ATL1: variants seen among roughly 807,000 people sequenced by gnomAD.
ATL1 encodes atlastin GTPase 1, also known as atlastin-1.
In ATL1, 31 loss-of-function variants were observed where a neutral mutation model predicts 75.5. That is an observed-to-expected ratio of 0.41 (90% CI 0.31 to 0.55). The LOEUF (loss-of-function observed/expected upper bound fraction) is 0.55, where lower values mean the gene tolerates loss of function less well. Among genes scored for constraint, ATL1 ranks in the 20% least tolerant of loss-of-function variants. The probability of loss-of-function intolerance (pLI) is 0.27; values close to 1 mark genes in which losing one functional copy is unlikely to be tolerated. For synonymous variants in ATL1, 226 were observed against 233.3 expected, an observed-to-expected ratio of 0.97 and a Z score of 0.28; for missense variants, 405 against 662.6, an observed-to-expected ratio of 0.61 and a Z score of 4.27.
chr14:50,606,632 G>T (rs1006844264), intron 6 of ATL1, among the ~76,000 whole-genome samples: 3 of 152,032 alleles, frequency 2.0e-5, no homozygotes, highest in African/African-American at 4.8e-5. Context: ...TGCATAAATT[G>T]GTTGCCAGCC....
At chr14:50,574,976 T>TATATATATATATATATATATA (rs1595590069) in intron 1 of ATL1, among the ~76,000 whole-genome samples, 1 of 132,466 alleles carries the variant, frequency 7.5e-6, no homozygotes, top group African/African-American at 2.8e-5. Context: ...TATATATATA[T>TATATATATATATATATATATA]TAGCTTTTAC....
chr14:50,599,217 G>A (rs887924305), intron 6 of ATL1, among the ~76,000 whole-genome samples: 9 of 152,222 alleles, frequency 5.9e-5, no homozygotes, highest in African/African-American at 2.2e-4. Flanking sequence ...GGAAACTTTT[G>A]CAAGTAACCA....
At chr14:50,625,366 A>G (rs2039507869) in intron 11 of ATL1, among the ~76,000 whole-genome samples, 3 of 152,230 alleles carry the variant, frequency 2.0e-5, no homozygotes, top group Non-Finnish European at 4.4e-5. Context: ...GAAGCAGCAA[A>G]TCTTGATGTA....
chr14:50,551,057 C>CA (rs1287452416), intron 1 of ATL1, among the ~76,000 whole-genome samples: 3 of 150,740 alleles, frequency 2.0e-5, no homozygotes, highest in Non-Finnish European at 4.4e-5. Flanking sequence ...GAAATTGAAA[C>CA]AAAAAAAATT....
At chr14:50,546,009 G>A (rs901606936) in intron 1 of ATL1, among the ~76,000 whole-genome samples, 1 of 152,022 alleles carries the variant, frequency 6.6e-6, no homozygotes, top group African/African-American at 2.4e-5. Flanking sequence ...TAAACTACTG[G>A]TGTTGAAATC....
In ATL1 at chr14:50,620,658, G is replaced by C; in HGVS notation, c.922G>C (p.Glu308Gln). The C allele has an allele frequency of 6.2e-7, 1 of 1,613,624 alleles. No individual in the cohort carries two copies. The highest frequency in any genetic ancestry group is 8.5e-7 in the Non-Finnish European group (1 of 1,179,650). Residue 308 changes from glutamate (E) to glutamine (Q), a missense_variant, in exon 9 of 14, where the codon GAG becomes CAG. Glu to Gln is a conservative substitution (Grantham distance 29). Coordinates refer to ENST00000358385, the MANE Select transcript of ATL1 (RefSeq NM_015915.5). ...ACTGATTCCTTGGCTACTTAGTCCC[G>C]AGAGCCTAGATATTAAAGAGATCAA... ...KILIPWLLSP[E>Q]SLDIKEINGN...
intron 6 of ATL1, among the ~76,000 whole-genome samples, chr14:50,610,126 G>T (rs1041547020): frequency 2.6e-5 from 4 of 151,954 alleles, no homozygotes; most frequent in African/African-American, 9.7e-5. Context: ...TGAAACAAAT[G>T]AGGAAACAAT....
At chr14:50,553,868 G>T (rs901135045) in intron 1 of ATL1, among the ~76,000 whole-genome samples, 11 of 152,138 alleles carry the variant, frequency 7.2e-5, no homozygotes, top group African/African-American at 1.9e-4. Context: ...ACCAAATATT[G>T]TATGTTCTCA....
chr14:50,559,268 T>A (rs1432294617), upstream of ATL1: 1 of 151,962 alleles, frequency 6.6e-6, no homozygotes, highest in Non-Finnish European at 1.5e-5. Flanking sequence ...CAGTACAGAG[T>A]GTGAGTAACA....
rs185376718 is a variant in ATL1 at position 50,609,037 on chromosome 14, C to T, written c.631-4222C>T. On this transcript the variant is annotated intron_variant, in intron 6 of 13. Coordinates refer to ENST00000358385, the MANE Select transcript of ATL1 (RefSeq NM_015915.5). ...TATGGGAGCAAGAAAGATCCATAATCGCACGCCACTTAGAAGTGACCCTGT... is the reference window on the plus strand; with the variant it reads ...TATGGGAGCAAGAAAGATCCATAATTGCACGCCACTTAGAAGTGACCCTGT... 2.6e-5 allele frequency among the ~76,000 whole-genome samples: 4 copies of T among 152,006 alleles called. No individual in the cohort carries two copies. The East Asian group carries it at 7.7e-4, about 29-fold the overall frequency.
chr14:50,535,975 A>G (rs778944247), intron 1 of ATL1, among the ~76,000 whole-genome samples: 1 of 152,210 alleles, frequency 6.6e-6, no homozygotes, highest in African/African-American at 2.4e-5. Flanking sequence ...CCCCTGCACA[A>G]GCTCCCTCTC....
Position 50,535,735 on chromosome 14 carries a change from G to A in ATL1, c.-140+2368G>A, listed in dbSNP as rs77805708. ...GTCATTAGGATGAGAGTTTTAAAAA[G>A]GAGAGGTGAGGAAGGCAGTCGATAT... On this transcript the variant is annotated intron_variant, in intron 1 of 13. Coordinates refer to the ATL1 transcript ENST00000441560. Among the ~76,000 whole-genome samples, 624 of 152,276 alleles carry A rather than the reference G, an allele frequency of 4.1e-3. 3 individuals carry two copies. Among genetic ancestry groups the A allele is most frequent in the African/African-American group, 0.014 (577 of 41,540 alleles).
chr14:50,597,761 C>G (rs2039234327), intron 6 of ATL1, among the ~76,000 whole-genome samples: 1 of 152,092 alleles, frequency 6.6e-6, no homozygotes, highest in South Asian at 2.1e-4. Context: ...GTGGTGCGAT[C>G]TCGGCTCACT....
intron 10 of ATL1, 110 bp from the exon 11 acceptor site, chr14:50,623,067 T>G: frequency 1.2e-6 from 1 of 850,298 alleles, no homozygotes; most frequent in Non-Finnish European, 1.9e-6. Context: ...TTTTGAGGAC[T>G]TTGGTTTCTT....
intron 1 of ATL1, among the ~76,000 whole-genome samples, chr14:50,552,956 G>T (rs971396381): frequency 2.6e-5 from 4 of 152,102 alleles, no homozygotes; most frequent in Non-Finnish European, 4.4e-5. Context: ...CTTAGGCAAA[G>T]AATTCATGAC....
intron 13 of ATL1, among the ~76,000 whole-genome samples, chr14:50,630,486 A>T (rs568954517): frequency 3.3e-5 from 5 of 152,362 alleles, no homozygotes; most frequent in African/African-American, 1.2e-4. Context: ...CTTTCTTGGC[A>T]GACCTCAGGC....
At chr14:50,616,730 A>G (rs2039419564) in intron 8 of ATL1, among the ~76,000 whole-genome samples, 3 of 152,216 alleles carry the variant, frequency 2.0e-5, no homozygotes, top group African/African-American at 7.2e-5. Flanking sequence ...TAGGAAAAAG[A>G]GTAGTGAAAG....
intron 12 of ATL1, among the ~76,000 whole-genome samples, chr14:50,629,077 A>G (rs1177895430): frequency 6.6e-6 from 1 of 152,214 alleles, no homozygotes; most frequent in Non-Finnish European, 1.5e-5. Context: ...GCTTTTATTT[A>G]GCTAATTATG....
intron 1 of ATL1, among the ~76,000 whole-genome samples, chr14:50,574,829 T>C (rs958284200): frequency 6.6e-6 from 1 of 151,150 alleles, no homozygotes; most frequent in Non-Finnish European, 1.5e-5. Context: ...CATGAACCTC[T>C]ATGTAAATAA....
Sources: allele counts gnomAD v4.1 joint callset (sites outside exome capture counted in the v4.1 genomes callset), GRCh38; gene constraint gnomAD v4.1.1; transcripts MANE v1.5; gene names NCBI Gene and HGNC (gene_info 2026-07-23, HGNC 2026-07-21).